Variants in TYW1 observed in about 807,000 individuals in gnomAD.
TYW1 encodes S-adenosyl-L-methionine-dependent tRNA 4-demethylwyosine synthase TYW1.
In TYW1, 46 loss-of-function variants were observed where a neutral mutation model predicts 96.2. The ratio of observed to expected loss-of-function variants is 0.48; its 90% confidence interval spans 0.38 to 0.61. TYW1 has a LOEUF of 0.61. Among genes scored for constraint, TYW1 ranks in the 20% least tolerant of loss-of-function variants. The pLI is 0.00. For missense variants in TYW1, 684 were observed against 909.6 expected (o/e 0.75, Z 3.19); for synonymous variants, 274 against 323.0 (o/e 0.85, Z 1.63).
intron 15 of TYW1, among the ~76,000 whole-genome samples, chr7:67,209,708 G>A (rs1013781174): frequency 2.0e-5 from 3 of 152,064 alleles, no homozygotes; most frequent in African/African-American, 7.2e-5. Context: ...GAGTAGCTGG[G>A]ATTACAAGCG....
At chr7:67,118,878 GAAAAAAAAA>G (rs60194362) in intron 13 of TYW1, among the ~76,000 whole-genome samples, 3 of 72,262 alleles carry the variant, frequency 4.2e-5, no homozygotes, top group Non-Finnish European at 9.4e-5. Flanking sequence ...ACCCCTATCT[GAAAAAAAAA>G]AAAAAAAAAA....
At chr7:67,227,175 A>G (rs954320150) in intron 15 of TYW1, among the ~76,000 whole-genome samples, 6 of 151,982 alleles carry the variant, frequency 3.9e-5, no homozygotes, top group African/African-American at 1.4e-4. Flanking sequence ...CTGGGAGGTG[A>G]CCTCCAAGCC....
chr7:67,149,906 C>A, intron 13 of TYW1, among the ~76,000 whole-genome samples: 1 of 151,934 alleles, frequency 6.6e-6, no homozygotes, highest in Admixed American at 6.6e-5. Flanking sequence ...TATTTTTGTT[C>A]ACTCTTATCT....
intron 15 of TYW1, among the ~76,000 whole-genome samples, chr7:67,207,840 C>G (rs777829123): frequency 5.3e-5 from 8 of 151,500 alleles, no homozygotes; most frequent in Non-Finnish European, 8.8e-5. Context: ...CCTGCCTCAG[C>G]CTCCTAAGTA....
At chr7:67,230,370 G>GGATA (rs1563081973) in intron 15 of TYW1, among the ~76,000 whole-genome samples, 1 of 134,624 alleles carries the variant, frequency 7.4e-6, no homozygotes. Context: ...TTCCTTTCTT[G>GGATA]GATACAGTCA....
chr7:67,039,957 G>C (rs1269099128), intron 7 of TYW1, among the ~76,000 whole-genome samples: 1 of 147,690 alleles, frequency 6.8e-6, no homozygotes, highest in Non-Finnish European at 1.5e-5. Flanking sequence ...CACCATGCCT[G>C]GTCTATTTTT....
intron 9 of TYW1, among the ~76,000 whole-genome samples, chr7:67,062,577 A>AAAAAAAAG (rs773963932): frequency 6.8e-6 from 1 of 147,118 alleles, no homozygotes; most frequent in Non-Finnish European, 1.5e-5. Flanking sequence ...AAAAAAAAAA[A>AAAAAAAAG]AAAAGAAAAG....
intron 10 of TYW1, among the ~76,000 whole-genome samples, chr7:67,067,986 G>A (rs1182904045): frequency 6.6e-6 from 1 of 151,548 alleles, no homozygotes; most frequent in Non-Finnish European, 1.5e-5. Context: ...CTTTTTGGGG[G>A]CAGTGGTGCT....
At chr7:67,018,406 T>A (rs1794101775) in intron 6 of TYW1, among the ~76,000 whole-genome samples, 1 of 151,732 alleles carries the variant, frequency 6.6e-6, no homozygotes, top group East Asian at 1.9e-4. Context: ...CAAGGCATGG[T>A]GGTGCATGCC....
rs34585182 is a variant in TYW1, at chr7:67,230,652, C to CTTTTTTTTTTTTTTTTTTT, written c.1978-7638_1978-7637insTTTTTTTTTTTTTTTTTTT. 5.0e-5 allele frequency among the ~76,000 whole-genome samples: 6 copies of CTTTTTTTTTTTTTTTTTTT among 119,560 alleles called. 1 individual carries two copies. Among genetic ancestry groups the CTTTTTTTTTTTTTTTTTTT allele is most frequent in the African/African-American group, 1.0e-4 (3 of 28,962 alleles). 78.4% of individuals were successfully genotyped at this position (119,560 alleles called of 152,430 possible). ...CAACCCACCATTTTGCTTATTATCT[C>CTTTTTTTTTTTTTTTTTTT]TTTTTTTTTTTTTTTTTTGAGGCGG... On this transcript the variant is annotated intron_variant, in intron 15 of 15. Coordinates refer to ENST00000359626, the MANE Select transcript of TYW1 (RefSeq NM_018264.4).
In TYW1 at chr7:67,191,358, A is replaced by C. The variant is rs188504872; in HGVS notation, c.1810-3812A>C. Among the ~76,000 whole-genome samples, 386 of 152,282 alleles carry C rather than the reference A, an allele frequency of 2.5e-3. 3 individuals are homozygous for C. Among genetic ancestry groups the C allele is most frequent in the African/African-American group, 8.9e-3 (369 of 41,558 alleles). Reference sequence around the variant, plus strand: ...AGTGTGGGTTATGCTTTTCACTGCAAACTCAAGGATGCATAAATGATCCTG... The same window carrying C: ...AGTGTGGGTTATGCTTTTCACTGCACACTCAAGGATGCATAAATGATCCTG... On this transcript the variant is annotated intron_variant, in intron 14 of 15. Transcript: ENST00000359626.
intron 11 of TYW1, among the ~76,000 whole-genome samples, chr7:67,093,054 C>A (rs567009412): frequency 1.3e-5 from 2 of 152,092 alleles, no homozygotes; most frequent in African/African-American, 4.8e-5. Context: ...GTGGTCCTAG[C>A]ACCTGAGGAG....
intron 7 of TYW1, among the ~76,000 whole-genome samples, chr7:67,029,857 C>T (rs533419243): frequency 6.6e-5 from 10 of 152,222 alleles, no homozygotes; most frequent in East Asian, 1.9e-4. Flanking sequence ...CGCACCACCA[C>T]GCCAAGGTCA....
chr7:67,217,151 A>G (rs1801220570), intron 15 of TYW1, among the ~76,000 whole-genome samples: 2 of 151,860 alleles, frequency 1.3e-5, no homozygotes, highest in Middle Eastern at 6.8e-3. Context: ...CATTCTCTAT[A>G]TATTTTGGGT....
intron 13 of TYW1, among the ~76,000 whole-genome samples, chr7:67,140,206 C>A (rs28433126): frequency 4.7e-5 from 7 of 149,722 alleles, no homozygotes; most frequent in African/African-American, 1.2e-4. Flanking sequence ...CCTACCAGGT[C>A]CCCCCACAAC....
Position 67,006,523 on chromosome 7 carries a change from T to C in TYW1, c.274-3060T>C, listed in dbSNP as rs1793597098. ...GGCGTGATCTCGGCTCACTGCGGCCTCTGCCTCCCAGGCTCAAGCGATCCT... is the reference window on the plus strand; with the variant it reads ...GGCGTGATCTCGGCTCACTGCGGCCCCTGCCTCCCAGGCTCAAGCGATCCT... On this transcript the variant is annotated intron_variant, in intron 3 of 15. Transcript: ENST00000359626. Among the ~76,000 whole-genome samples, 2 of 141,006 alleles carry C rather than the reference T, an allele frequency of 1.4e-5. 1 individual carries two copies. Among genetic ancestry groups the C allele is most frequent in the South Asian group, 4.6e-4 (2 of 4,356 alleles). The allele number at this position is 141,006 out of a possible 152,430, so 92.5% of individuals were successfully genotyped here.
intron 6 of TYW1, among the ~76,000 whole-genome samples, chr7:67,023,397 C>T (rs62466615): frequency 0.33 from 49,548 of 151,868 alleles, 8,305 homozygotes; most frequent in East Asian, 0.53. Flanking sequence ...GTGTCCGGCC[C>T]GTTTCTTTTA....
chr7:67,127,173 T>C (rs569214241), intron 13 of TYW1, among the ~76,000 whole-genome samples: 2 of 151,078 alleles, frequency 1.3e-5, no homozygotes, highest in East Asian at 3.9e-4. Flanking sequence ...TTTTTTTTTT[T>C]TTCGAGATCG....
At chr7:67,139,990 T>TA (rs1356179683) in intron 13 of TYW1, among the ~76,000 whole-genome samples, 1 of 151,942 alleles carries the variant, frequency 6.6e-6, no homozygotes, top group African/African-American at 2.4e-5. Context: ...TAATGGGACT[T>TA]ACAGTTCCAC....
Sources: gnomAD v4.1 joint callset for allele counts (sites outside exome capture counted in the v4.1 genomes callset) on GRCh38, gnomAD v4.1.1 for gene constraint, MANE v1.5 for transcripts, NCBI Gene and HGNC (gene_info 2026-07-23, HGNC 2026-07-21) for gene names.